Variants in LYG2 observed in about 807,000 individuals in gnomAD.
The protein encoded by LYG2 is lysozyme g2.
In LYG2, 25 loss-of-function variants were observed where a neutral mutation model predicts 22.4. The observed-to-expected ratio is 1.12, with a 90% CI of 0.81 to 1.56. The LOEUF is 1.56. Among genes scored for constraint, LYG2 ranks in the 40% most tolerant of loss-of-function variants. The pLI is 0.00. For missense variants in LYG2, 266 were observed against 269.5 expected (o/e 0.99, Z 0.09); for synonymous variants, 88 against 97.0 (o/e 0.91, Z 0.55).
intron 3 of LYG2, among the ~76,000 whole-genome samples, chr2:99,250,389 T>G (rs2094024026): frequency 6.6e-6 from 1 of 150,998 alleles, no homozygotes; most frequent in Admixed American, 6.6e-5. Context: ...TTTTTTTTTT[T>G]TTTGAGACAG....
chr2:99,246,590 TA>T (rs1265664978), intron 4 of LYG2, 89 bp downstream of exon 4: 24 of 1,451,698 alleles, frequency 1.7e-5, no homozygotes, highest in Non-Finnish European at 2.1e-5. Flanking sequence ...TAATGATGAT[TA>T]TACCTTTTCA....
At chr2:99,253,765 C>T (rs964429822) in intron 3 of LYG2, among the ~76,000 whole-genome samples, 1 of 152,168 alleles carries the variant, frequency 6.6e-6, no homozygotes, top group African/African-American at 2.4e-5. Flanking sequence ...CATGTCCCCC[C>T]CAAAAGCCTT....
chr2:99,249,384 C>T (rs2094022310), intron 3 of LYG2, among the ~76,000 whole-genome samples: 1 of 150,306 alleles, frequency 6.7e-6, no homozygotes, highest in Non-Finnish European at 1.5e-5. Context: ...GGTGCCACTG[C>T]ACTCCAGCCT....
At chr2:99,245,156 C>A in intron 5 of LYG2, 106 bp downstream of exon 5, 2 of 1,273,918 alleles carry the variant, frequency 1.6e-6, no homozygotes, top group East Asian at 2.7e-5. Flanking sequence ...AGCCAGATGC[C>A]AGGGTATTTT....
At chr2:99,256,352 G>T (rs1380753739), upstream of LYG2, among the ~76,000 whole-genome samples, 1 of 152,162 alleles carries the variant, frequency 6.6e-6, no homozygotes, top group Non-Finnish European at 1.5e-5. Context: ...TCTCAGGAAA[G>T]TGACCCATGG....
chr2:99,258,066 C>T (rs539785851), upstream of LYG2, among the ~76,000 whole-genome samples: 5 of 152,160 alleles, frequency 3.3e-5, no homozygotes, highest in Non-Finnish European at 7.3e-5. Flanking sequence ...TCGCCCTCTG[C>T]GTCCCCACCT....
Position 99,244,132 on chromosome 2 carries a change from A to C in LYG2, c.387T>G (p.Asp129Glu). The C allele has an allele frequency of 6.2e-7, 1 of 1,612,334 alleles. No individual in the cohort carries two copies. The highest frequency in any genetic ancestry group is 8.5e-7 in the Non-Finnish European group (1 of 1,179,566). The change falls in exon 6 of 7, where the codon GAT (aspartate) becomes GAG (glutamate). Residue 129 changes from aspartate to glutamate, a missense_variant. By Grantham distance (45) the Asp-to-Glu change is conservative. Transcript: ENST00000333017. ...RGLKFGLMQLDKQTYHPVGAW... is the reference protein window; with the variant it reads ...RGLKFGLMQLEKQTYHPVGAW... ...CACCGACAGGGTGGTACGTTTGTTT[A>C]TCAAGCTAGAAAATTCAGATAATAA...
In LYG2 at chr2:99,252,754, G is replaced by C. The variant is rs72815018; in HGVS notation, c.43+1464C>G. On this transcript the variant is annotated intron_variant, in intron 3 of 6. Transcript: ENST00000333017. ...GTTACCCAGGAAGCTTATTAAAAAT[G>C]CTTATCACTGGGCCGGGCGTGGTGG... Among the ~76,000 whole-genome samples the C allele has an allele frequency of 6.9e-3, 1,042 of 152,112 alleles. 6 individuals carry two copies. Among genetic ancestry groups the C allele is most frequent in the Admixed American group, 0.013 (196 of 15,250 alleles).
At chr2:99,249,748 C>T (rs868335198) in intron 3 of LYG2, among the ~76,000 whole-genome samples, 5 of 117,622 alleles carry the variant, frequency 4.3e-5, no homozygotes, top group African/African-American at 1.4e-4. Flanking sequence ...GCAAAAAGAG[C>T]GAAACTCTGT....
chr2:99,245,283 T>C lies in LYG2; in HGVS notation c.360A>G (p.Gly120=). The stretch of plus-strand genomic sequence containing the variant: ...ATACCTGCATCAAGCCAAATTTAAG[T>C]CCCCTGTGGTCCCAGCCGTCTTGCA... ...SVLQDGWDHR[G]LKFGLMQLDK... Residue 120 remains glycine (G), a synonymous_variant, in exon 5 of 7, where the codon GGA becomes GGG. Coordinates refer to ENST00000333017, the MANE Select transcript of LYG2 (RefSeq NM_175735.4). 6.2e-7 allele frequency: 1 copy of C among 1,605,174 alleles called. No homozygotes were observed. Among genetic ancestry groups the C allele is most frequent in the Non-Finnish European group, 8.5e-7 (1 of 1,175,540 alleles).
chr2:99,247,694 T>C (rs1358547166), intron 3 of LYG2, among the ~76,000 whole-genome samples: 1 of 152,124 alleles, frequency 6.6e-6, no homozygotes. Context: ...AACATCTAGA[T>C]TAACAATTTG....
intron 6 of LYG2, chr2:99,243,693 CTTTTTTT>C (rs999579137): frequency 3.6e-4 from 56 of 157,058 alleles, no homozygotes; most frequent in Middle Eastern, 3.0e-3. Context: ...CCATGCCCAG[CTTTTTTT>C]TTTTTTTTTT....
chr2:99,252,890 CAA>C (rs533844421), intron 3 of LYG2, among the ~76,000 whole-genome samples: 149 of 151,664 alleles, frequency 9.8e-4, no homozygotes, highest in Non-Finnish European at 2.0e-3. Flanking sequence ...ACTAAAAATA[CAA>C]AAAAATTAGC....
chr2:99,258,087 C>T (rs2094039632), upstream of LYG2, among the ~76,000 whole-genome samples: 1 of 152,142 alleles, frequency 6.6e-6, no homozygotes, highest in African/African-American at 2.4e-5. Context: ...GCCTCCCTCC[C>T]AACACTAGTC....
upstream of LYG2, among the ~76,000 whole-genome samples, chr2:99,258,555 G>A (rs12053519): frequency 0.2 from 30,029 of 152,108 alleles, 3,127 homozygotes; most frequent in East Asian, 0.26. Flanking sequence ...CTGCCTGGTA[G>A]GAGTGGAGGA....
rs1288536794 is a variant in LYG2 at position 99,255,009 on chromosome 2, C to G, written c.-26+11G>C. 1.3e-5 allele frequency: 2 copies of G among 152,218 alleles called. No homozygotes were observed. The highest frequency in any genetic ancestry group is 3.8e-4 in the East Asian group (2 of 5,202). The allele number at this position is 152,218 out of a possible 1,614,324, so 9.4% of individuals were successfully genotyped here. A position where few individuals can be genotyped will look rare whatever the true frequency, so the allele number is the denominator to read the frequency against. ...ATAAGTTTTACAAGACATAAGAAGGCCAGCACTAACCTTGTTTGCAACCTT... is the reference window on the plus strand; with the variant it reads ...ATAAGTTTTACAAGACATAAGAAGGGCAGCACTAACCTTGTTTGCAACCTT... On this transcript the variant is annotated intron_variant, in intron 2 of 6. Transcript: ENST00000333017.
chr2:99,246,575 T>A, intron 4 of LYG2, 105 bp downstream of exon 4: 1 of 1,315,978 alleles, frequency 7.6e-7, no homozygotes, highest in Non-Finnish European at 1.0e-6. Context: ...TTGATACTAT[T>A]GTCATAATGA....
At position 99,245,256 on chromosome 2, in the gene LYG2, A is replaced by G; in HGVS notation, c.381+6T>C. ...TGGGGCTGATAGAAAGTTTCTAGCT[A>G]AATACCTGCATCAAGCCAAATTTAA... is the stretch of plus-strand genomic sequence containing the variant. On this transcript the variant is annotated splice_donor_region_variant and intron_variant, in intron 5 of 6. Transcript: ENST00000333017. 6.3e-7 allele frequency: 1 copy of G among 1,589,260 alleles called. No homozygotes were observed. Among genetic ancestry groups the G allele is most frequent in the Non-Finnish European group, 8.6e-7 (1 of 1,165,624 alleles).
In LYG2 at chr2:99,246,667, G is replaced by A. The variant is rs2094016507; in HGVS notation, c.184+13C>T. On this transcript the variant is annotated intron_variant, in intron 4 of 6. Coordinates refer to ENST00000333017, the MANE Select transcript of LYG2 (RefSeq NM_175735.4). ...AAGGGGGAAGCCAGTCATTTGCTCTGCTTTTCACTTACCGCAGTTCATCAC... is the reference window on the plus strand; with the variant it reads ...AAGGGGGAAGCCAGTCATTTGCTCTACTTTTCACTTACCGCAGTTCATCAC... The A allele has an allele frequency of 6.2e-7, 1 of 1,606,888 alleles. No homozygotes were observed. Among genetic ancestry groups the A allele is most frequent in the Non-Finnish European group, 8.5e-7 (1 of 1,178,294 alleles).
Sources: allele counts gnomAD v4.1 joint callset (sites outside exome capture counted in the v4.1 genomes callset), GRCh38; gene constraint gnomAD v4.1.1; transcripts MANE v1.5; gene names NCBI Gene and HGNC (gene_info 2026-07-23, HGNC 2026-07-21).